Variants in DPP10 observed in about 807,000 individuals in gnomAD.
The protein encoded by DPP10 is inactive dipeptidyl peptidase 10.
Under a neutral mutation model 120.9 loss-of-function variants are expected in DPP10, and 33 were observed. That is an observed-to-expected ratio of 0.27 (90% CI 0.21 to 0.37). The LOEUF (loss-of-function observed/expected upper bound fraction) is 0.37. Among genes scored for constraint, DPP10 ranks in the 10% least tolerant of loss-of-function variants. The pLI, the probability that DPP10 is intolerant of heterozygous loss-of-function variation, is 1.00. For synonymous variants in DPP10, 337 were observed against 326.1 expected (o/e 1.03, Z -0.36); for missense variants, 816 against 942.8 (o/e 0.87, Z 1.76).
At chr2:114,931,313 A>G (rs145422146) in intron 1 of DPP10, among the ~76,000 whole-genome samples, 7 of 152,342 alleles carry the variant, frequency 4.6e-5, no homozygotes, top group Middle Eastern at 3.4e-3. Flanking sequence ...CAGCACTAGC[A>G]TCTGCATCTG....
chr2:115,827,420 A>ATATATATATG (rs1553518988), intron 21 of DPP10, among the ~76,000 whole-genome samples: 3 of 135,766 alleles, frequency 2.2e-5, no homozygotes, highest in Non-Finnish European at 4.7e-5. Context: ...GTGTGTATAT[A>ATATATATATG]TATATATATA....
intron 2 of DPP10, among the ~76,000 whole-genome samples, chr2:115,322,453 TAC>T (rs2062108287): frequency 6.6e-6 from 1 of 152,174 alleles, no homozygotes; most frequent in Non-Finnish European, 1.5e-5. Context: ...GAGGGTAAAA[TAC>T]CTTTTCAGGT....
At chr2:114,932,851 G>A (rs141752669) in intron 1 of DPP10, among the ~76,000 whole-genome samples, 1 of 152,224 alleles carries the variant, frequency 6.6e-6, no homozygotes, top group African/African-American at 2.4e-5. Flanking sequence ...AAATCTCAGT[G>A]CCTAAAAGAA....
intron 1 of DPP10, among the ~76,000 whole-genome samples, chr2:114,964,719 C>G (rs1175383173): frequency 2.0e-5 from 3 of 152,240 alleles, no homozygotes; most frequent in African/African-American, 7.2e-5. Flanking sequence ...AATGGAGCAG[C>G]AGATCACATG....
chr2:115,396,375 G>T (rs990422786), intron 3 of DPP10, among the ~76,000 whole-genome samples: 4 of 152,166 alleles, frequency 2.6e-5, no homozygotes, highest in African/African-American at 9.7e-5. Flanking sequence ...GATTTGTGTT[G>T]CTCTCCACAA....
chr2:115,522,410 TG>T (rs2077866316), intron 4 of DPP10, among the ~76,000 whole-genome samples: 1 of 152,204 alleles, frequency 6.6e-6, no homozygotes, highest in Non-Finnish European at 1.5e-5. Flanking sequence ...GCACCTTCAG[TG>T]TCTGCCTGGG....
chr2:115,181,905 CATG>C (rs2054106243), intron 1 of DPP10, among the ~76,000 whole-genome samples: 1 of 152,174 alleles, frequency 6.6e-6, no homozygotes, highest in Non-Finnish European at 1.5e-5. Flanking sequence ...AAAGCGATGT[CATG>C]ATGTCAGTGC....
chr2:114,470,492 T>C (rs1339366428), intron 1 of DPP10, among the ~76,000 whole-genome samples: 1 of 152,230 alleles, frequency 6.6e-6, no homozygotes, highest in African/African-American at 2.4e-5. Context: ...TATTGGGACC[T>C]GAGACAGGCT....
At chr2:115,688,721 C>T (rs2091146299) in intron 5 of DPP10, among the ~76,000 whole-genome samples, 1 of 152,080 alleles carries the variant, frequency 6.6e-6, no homozygotes, top group South Asian at 2.1e-4. Context: ...AGAAGCAAAA[C>T]ATAGAGGCAT....
At chr2:115,266,412 T>C (rs769328439) in intron 1 of DPP10, among the ~76,000 whole-genome samples, 1 of 151,726 alleles carries the variant, frequency 6.6e-6, no homozygotes, top group Non-Finnish European at 1.5e-5. Flanking sequence ...CAATAAAAAT[T>C]CTACCATGTG....
chr2:115,563,675 A>G (rs1350718599), intron 5 of DPP10, among the ~76,000 whole-genome samples: 2 of 152,098 alleles, frequency 1.3e-5, no homozygotes, highest in African/African-American at 4.8e-5. Context: ...CCCTTTTTAT[A>G]CTCCTACCTC....
chr2:115,315,762 A>C (rs561141118), intron 2 of DPP10, among the ~76,000 whole-genome samples: 1 of 152,154 alleles, frequency 6.6e-6, no homozygotes, highest in African/African-American at 2.4e-5. Context: ...CAGATTGAAC[A>C]TGGATTTCCA....
intron 1 of DPP10, chr2:114,462,140 G>A: frequency 1.0e-6 from 1 of 985,260 alleles, no homozygotes; most frequent in Non-Finnish European, 1.2e-6. Flanking sequence ...CGTAACACCA[G>A]GTAATTTTCT....
chr2:114,817,918 A>T (rs1403450656), intron 1 of DPP10, among the ~76,000 whole-genome samples: 1 of 152,198 alleles, frequency 6.6e-6, no homozygotes, highest in Non-Finnish European at 1.5e-5. Flanking sequence ...AGGCTAGAAG[A>T]GTTCTAGGAT....
rs115940450 is a variant in DPP10 at position 114,957,321 on chromosome 2, T to C, written c.61-351918T>C. 3.1e-3 allele frequency among the ~76,000 whole-genome samples: 476 copies of C among 151,216 alleles called. 1 individual carries two copies. Among genetic ancestry groups the C allele is most frequent in the African/African-American group, 0.011 (466 of 41,498 alleles). ...CATATATATTTTGTAATATATATTT[T>C]GTAATATATTTTGTAATATATTACA... On this transcript the variant is annotated intron_variant, in intron 1 of 25. Transcript: ENST00000410059.
At chr2:115,298,373 T>G (rs1574337923) in intron 1 of DPP10, among the ~76,000 whole-genome samples, 1 of 152,026 alleles carries the variant, frequency 6.6e-6, no homozygotes, top group Non-Finnish European at 1.5e-5. Flanking sequence ...GTGTACTGAT[T>G]CCGAAGCCAC....
At chr2:114,695,259 C>T (rs998325717) in intron 1 of DPP10, among the ~76,000 whole-genome samples, 2 of 151,906 alleles carry the variant, frequency 1.3e-5, no homozygotes, top group African/African-American at 4.8e-5. Context: ...ATCTATAGGA[C>T]TTGATGATTA....
At chr2:115,769,054 G>T (rs754718874) in intron 13 of DPP10, among the ~76,000 whole-genome samples, 11 of 151,792 alleles carry the variant, frequency 7.2e-5, no homozygotes, top group Admixed American at 1.3e-4. Context: ...AGTAAATTCA[G>T]GTAGTTAGTT....
intron 1 of DPP10, among the ~76,000 whole-genome samples, chr2:114,546,083 G>C (rs1687371815): frequency 6.6e-6 from 1 of 151,992 alleles, no homozygotes; most frequent in Non-Finnish European, 1.5e-5. Flanking sequence ...TTCCATTCTT[G>C]AGAGTCATAA....
Sources: gnomAD v4.1 joint callset for allele counts (sites outside exome capture counted in the v4.1 genomes callset) on GRCh38, gnomAD v4.1.1 for gene constraint, MANE v1.5 for transcripts, NCBI Gene and HGNC (gene_info 2026-07-23, HGNC 2026-07-21) for gene names.